The following PARD6G variants were observed in gnomAD, a reference collection of about 807,000 sequenced individuals.
PARD6G encodes partitioning defective 6 homolog gamma.
A neutral mutation model predicts 10.7 loss-of-function variants in PARD6G; 7 were observed. The ratio of observed to expected loss-of-function variants is 0.66; its 90% confidence interval spans 0.37 to 1.23. The LOEUF is 1.23. Among genes scored for constraint, PARD6G ranks in the 50% most tolerant of loss-of-function variants. PARD6G has a pLI of 0.02. For synonymous variants in PARD6G, 287 were observed against 269.4 expected (o/e 1.07, Z -0.64); for missense variants, 548 against 571.8 (o/e 0.96, Z 0.42).
At chr18:80,185,496 C>T (rs2052869245) in intron 2 of PARD6G, among the ~76,000 whole-genome samples, 1 of 151,996 alleles carries the variant, frequency 6.6e-6, no homozygotes, top group Non-Finnish European at 1.5e-5. Context: ...ACTTTTGTTG[C>T]TTTTCTTATC....
In PARD6G at chr18:80,186,353, TCACACATGCTCGCACACC is replaced by T. The variant is rs370351375; in HGVS notation, c.295+16339_295+16356del. ...CACACCCTCACATGTGCATGCACCC[TCACACATGCTCGCACACC>T]CACACATGCTCGCACACCCTCACAC... On this transcript the variant is annotated intron_variant, in intron 2 of 2. Coordinates refer to ENST00000353265, the MANE Select transcript of PARD6G (RefSeq NM_032510.4). Among the ~76,000 whole-genome samples, 476 of 81,038 alleles carry T rather than the reference TCACACATGCTCGCACACC, an allele frequency of 5.9e-3. 26 individuals are homozygous for T. Among genetic ancestry groups the T allele is most frequent in the African/African-American group, 0.022 (415 of 18,854 alleles). The allele number at this position is 81,038 out of a possible 152,430, so 53.2% of individuals were successfully genotyped here. A position where few individuals can be genotyped will look rare whatever the true frequency, so the allele number is the denominator to read the frequency against.
intron 2 of PARD6G, among the ~76,000 whole-genome samples, chr18:80,190,966 C>A (rs577848796): frequency 6.6e-6 from 1 of 152,186 alleles, no homozygotes; most frequent in Admixed American, 6.5e-5. Flanking sequence ...GCCCTGGGAA[C>A]GACCCACCAG....
At chr18:80,177,880 C>T (rs1284843821) in intron 2 of PARD6G, among the ~76,000 whole-genome samples, 1 of 150,706 alleles carries the variant, frequency 6.6e-6, no homozygotes, top group Non-Finnish European at 1.5e-5. Context: ...CACACACCCA[C>T]CACACATGCA....
rs2145240391 is a variant in PARD6G, at chr18:80,161,764, G to A, written c.296-1158C>T. 6.6e-6 allele frequency: 1 copy of A among 152,350 alleles called. No homozygotes were observed. The allele number at this position is 152,350 out of a possible 1,614,324, so 9.4% of individuals were successfully genotyped here. On this transcript the variant is annotated intron_variant, in intron 2 of 2. Transcript: ENST00000353265. The surrounding 1 kb of genome is among the most constrained non-coding windows in gnomAD (Gnocchi z 4.6). ...ATCTTTGCTTTGCCAGTGAAAGCCA[G>A]TAGGACCGGGAGCCCAGGCAGAAGC...
chr18:80,160,754 A>C, intron 2 of PARD6G, 148 bp from the exon 3 acceptor site: 1 of 794,010 alleles, frequency 1.3e-6, no homozygotes, highest in Non-Finnish European at 1.7e-6. Flanking sequence ...GGCTGAGCTG[A>C]AATCAGGCAA....
intron 1 of PARD6G, among the ~76,000 whole-genome samples, chr18:80,210,003 C>T (rs9955708): frequency 0.025 from 3,867 of 152,132 alleles, 164 homozygotes; most frequent in African/African-American, 0.089. Context: ...TAATTTTGAC[C>T]CTTTTCCTTC....
At position 80,195,548 on chromosome 18, in the gene PARD6G, CATATATATATAT is replaced by C. The variant is rs201373415; in HGVS notation, c.295+7150_295+7161del. On this transcript the variant is annotated intron_variant, in intron 2 of 2. Transcript: ENST00000353265. ...CACACAATAAGAGTCTTCAAAGATA[CATATATATATAT>C]ATATATATATATACACACATTTTTT... Among the ~76,000 whole-genome samples the C allele has an allele frequency of 2.4e-4, 20 of 82,216 alleles. 3 individuals are homozygous for C. Among genetic ancestry groups the C allele is most frequent in the East Asian group, 1.6e-3 (4 of 2,478 alleles). The allele number at this position is 82,216 out of a possible 152,430, so 53.9% of individuals were successfully genotyped here.
rs1967560891 is a variant in PARD6G at position 80,247,097 on chromosome 18, G to A, written c.72+180C>T. ...TGCCGGGCTTTGTGTCCGCGCGGGGGGCGGGAAGGACGGCCGGGGTCCCCA... is the reference window on the plus strand; with the variant it reads ...TGCCGGGCTTTGTGTCCGCGCGGGGAGCGGGAAGGACGGCCGGGGTCCCCA... On this transcript the variant is annotated intron_variant, in intron 1 of 2. Coordinates refer to ENST00000353265, the MANE Select transcript of PARD6G (RefSeq NM_032510.4). This position sits in a 1 kb window ranked among gnomAD's most constrained non-coding sequence, Gnocchi z 4.2. Among the ~76,000 whole-genome samples the A allele has an allele frequency of 6.6e-6, 1 of 152,148 alleles. No individual in the cohort carries two copies. Among genetic ancestry groups the A allele is most frequent in the Admixed American group, 6.5e-5 (1 of 15,284 alleles).
At chr18:80,238,397 T>C (rs1051150664) in intron 1 of PARD6G, among the ~76,000 whole-genome samples, 3 of 151,642 alleles carry the variant, frequency 2.0e-5, no homozygotes, top group Admixed American at 6.6e-5. Flanking sequence ...TGTTAAATGA[T>C]GAGTTAATGG....
chr18:80,247,404 G>C lies in PARD6G; in HGVS notation c.-56C>G. On this transcript the variant is annotated 5_prime_UTR_variant, in exon 1 of 3. Coordinates refer to ENST00000353265, the MANE Select transcript of PARD6G (RefSeq NM_032510.4). This position sits in a 1 kb window ranked among gnomAD's most constrained non-coding sequence, Gnocchi z 4.2. ...CCTCGCTCCTCAGGGGCCGCAGAAA[G>C]ACTCCCGGGGGCGGCGCCCCCAGGC... The C allele has an allele frequency of 7.0e-7, 1 of 1,435,864 alleles. No homozygotes were observed. The allele number at this position is 1,435,864 out of a possible 1,614,324, so 88.9% of individuals were successfully genotyped here.
chr18:80,236,273 C>T (rs1967421462), intron 1 of PARD6G, among the ~76,000 whole-genome samples: 1 of 152,156 alleles, frequency 6.6e-6, no homozygotes, highest in Non-Finnish European at 1.5e-5. Context: ...TCAACAGATG[C>T]AGAAAAGGCC....
chr18:80,233,607 A>G (rs553974265), intron 1 of PARD6G, among the ~76,000 whole-genome samples: 2 of 152,328 alleles, frequency 1.3e-5, no homozygotes, highest in Admixed American at 1.3e-4. Flanking sequence ...ACAGGTGCTA[A>G]CATTGCTTTT....
chr18:80,200,838 T>C lies in PARD6G; in HGVS notation c.295+1872A>G, dbSNP rs1324334374. 6.6e-6 allele frequency among the ~76,000 whole-genome samples: 1 copy of C among 152,212 alleles called. No homozygotes were observed. The highest frequency in any genetic ancestry group is 1.5e-5 in the Non-Finnish European group (1 of 68,040). On this transcript the variant is annotated intron_variant, in intron 2 of 2. Transcript: ENST00000353265. The surrounding 1 kb of genome is among the most constrained non-coding windows in gnomAD (Gnocchi z 4.4). ...CCACTTTCTGGTCCCAGCCCAGCTT[T>C]GATGCATCCCCAGTAGAGGGTGCCA...
chr18:80,197,204 AC>A (rs1221940737), intron 2 of PARD6G, among the ~76,000 whole-genome samples: 1 of 152,242 alleles, frequency 6.6e-6, no homozygotes, highest in Non-Finnish European at 1.5e-5. Context: ...TGAGCAGTGA[AC>A]CCTCAATTTA....
intron 1 of PARD6G, among the ~76,000 whole-genome samples, chr18:80,211,897 G>C (rs750310708): frequency 1.1e-4 from 16 of 152,246 alleles, no homozygotes; most frequent in Middle Eastern, 3.4e-3. Flanking sequence ...TGGTGCCAGG[G>C]CCTTGAGGGA....
chr18:80,165,335 C>G (rs1457121017), intron 2 of PARD6G, among the ~76,000 whole-genome samples: 2 of 152,164 alleles, frequency 1.3e-5, no homozygotes, highest in Admixed American at 6.5e-5. Flanking sequence ...TTTATAGGCT[C>G]TCTGCAAGAA....
At chr18:80,195,328 C>T (rs1031475496) in intron 2 of PARD6G, among the ~76,000 whole-genome samples, 8 of 151,748 alleles carry the variant, frequency 5.3e-5, no homozygotes, top group African/African-American at 1.7e-4. Flanking sequence ...CTGACAGGAG[C>T]GTCCATGAAT....
rs191769225 is a variant in PARD6G, at chr18:80,182,433, C to T, written c.295+20277G>A. The stretch of plus-strand genomic sequence containing the variant: ...AGATGCTGGAACTACACTTAAAGAG[C>T]GACCAGCTTTTACAGATACAAAAAT... On this transcript the variant is annotated intron_variant, in intron 2 of 2. Coordinates refer to ENST00000353265, the MANE Select transcript of PARD6G (RefSeq NM_032510.4). The surrounding 1 kb of genome is among the most constrained non-coding windows in gnomAD (Gnocchi z 4.5). Among the ~76,000 whole-genome samples the T allele has an allele frequency of 1.3e-5, 2 of 152,322 alleles. No individual in the cohort carries two copies. The highest frequency in any genetic ancestry group is 1.9e-4 in the East Asian group (1 of 5,180).
At chr18:80,225,498 A>C (rs1967280330) in intron 1 of PARD6G, among the ~76,000 whole-genome samples, 1 of 152,138 alleles carries the variant, frequency 6.6e-6, no homozygotes, top group African/African-American at 2.4e-5. Context: ...TGTCCCCTTC[A>C]CAGTTATCCT....
Sources: gnomAD v4.1 joint callset for allele counts (sites outside exome capture counted in the v4.1 genomes callset) on GRCh38, gnomAD v4.1.1 for gene constraint, Gnocchi (gnomAD v3.1) non-coding constraint, MANE v1.5 for transcripts, NCBI Gene and HGNC (gene_info 2026-07-23, HGNC 2026-07-21) for gene names.